The following TUB variants were observed in gnomAD, a reference collection of about 807,000 sequenced individuals.
The protein encoded by TUB is tubby protein homolog.
A neutral mutation model predicts 59.7 loss-of-function variants in TUB; 33 were observed. The observed-to-expected ratio is 0.55, with a 90% CI of 0.42 to 0.74. TUB has a LOEUF of 0.74. Among genes scored for constraint, TUB ranks in the 30% least tolerant of loss-of-function variants. The probability of loss-of-function intolerance (pLI) is 0.00; values close to 1 mark genes in which losing one functional copy is unlikely to be tolerated. For synonymous variants in TUB, 293 were observed against 256.4 expected, an observed-to-expected ratio of 1.14 and a Z score of -1.36; for missense variants, 659 against 672.0, an observed-to-expected ratio of 0.98 and a Z score of 0.21.
chr11:8,100,703 C>T (rs1589997539), intron 10 of TUB, 102 bp downstream of exon 10: 1 of 1,519,952 alleles, frequency 6.6e-7, no homozygotes, highest in Non-Finnish European at 9.1e-7. Context: ...GGAGGGGTAC[C>T]ATGTGAGAAA....
intron 2 of TUB, among the ~76,000 whole-genome samples, chr11:8,050,770 A>T (rs1049780643): frequency 6.6e-6 from 1 of 152,328 alleles, no homozygotes; most frequent in East Asian, 1.9e-4. Context: ...TCTAACTAGA[A>T]GATATTAAAG....
At chr11:8,021,146 TTGG>T (rs1554919112) in intron 1 of TUB, among the ~76,000 whole-genome samples, 2 of 152,194 alleles carry the variant, frequency 1.3e-5, no homozygotes, top group Non-Finnish European at 1.5e-5. Context: ...CCACAGTTTC[TTGG>T]GGAAGTGTTG....
chr11:8,103,710 T>A lies in TUB; in HGVS notation c.*2091T>A, dbSNP rs1418803205. 1 of 152,634 alleles carries A rather than the reference T, an allele frequency of 6.6e-6. No homozygotes were observed. Among genetic ancestry groups the A allele is most frequent in the Non-Finnish European group, 1.5e-5 (1 of 68,046 alleles). The allele number at this position is 152,634 out of a possible 1,614,324, so 9.5% of individuals were successfully genotyped here. A position where few individuals can be genotyped will look rare whatever the true frequency, so the allele number is the denominator to read the frequency against. ...TTCCAGTTTAGCCCTTCCCTGCCTT[T>A]AAGGAGAAGAGATCTTCATGGTGAC... On this transcript the variant is annotated 3_prime_UTR_variant, in exon 12 of 12. Coordinates refer to ENST00000299506, the MANE Select transcript of TUB (RefSeq NM_177972.3).
chr11:8,087,968 G>C (rs1392004238), intron 1 of TUB, among the ~76,000 whole-genome samples: 2 of 152,222 alleles, frequency 1.3e-5, no homozygotes, highest in Non-Finnish European at 2.9e-5. Flanking sequence ...AATGCCCTCA[G>C]GGAGCCCCAA....
rs565812932 is a variant in TUB, at chr11:8,065,311, T to C, written c.204-24299T>C. Among the ~76,000 whole-genome samples, 22 of 152,204 alleles carry C rather than the reference T, an allele frequency of 1.4e-4. No individual in the cohort carries two copies. In the South Asian group the frequency reaches 2.5e-3, roughly 17 times the overall value. ...GCCTGCTCCCCATGGGGCCAGGGCA[T>C]TGGTGGTGCTGGAGCGGGTGGTAAT... On this transcript the variant is annotated intron_variant, in intron 2 of 12. Coordinates refer to the TUB transcript ENST00000305253.
intron 3 of TUB, among the ~76,000 whole-genome samples, chr11:8,092,231 C>A (rs531323910): frequency 6.6e-6 from 1 of 152,022 alleles, no homozygotes; most frequent in South Asian, 2.1e-4. Context: ...TGCTTGAGGG[C>A]GGAAGTTCAG....
chr11:8,101,323 C>A (rs1944291775), intron 11 of TUB, among the ~76,000 whole-genome samples, 163 bp from the exon 12 acceptor site: 1 of 152,338 alleles, frequency 6.6e-6, no homozygotes, highest in Non-Finnish European at 1.5e-5. Flanking sequence ...TTTCCTGCCA[C>A]TTCTCCCAAT....
In TUB at chr11:8,104,794, AG is replaced by A. The variant is rs1355207942; in HGVS notation, c.*3176del. 2 of 152,214 alleles carry A rather than the reference AG, an allele frequency of 1.3e-5. No individual in the cohort carries two copies. The highest frequency in any genetic ancestry group is 2.9e-5 in the Non-Finnish European group (2 of 68,042). The allele number at this position is 152,214 out of a possible 1,614,324, so 9.4% of individuals were successfully genotyped here. ...AAAATCAAGACACTAGTTCAGAGGA[AG>A]CACATAATGTCCAGATCTATGGCGA... is the stretch of plus-strand genomic sequence containing the variant. On this transcript the variant is annotated 3_prime_UTR_variant, in exon 12 of 12. Coordinates refer to ENST00000299506, the MANE Select transcript of TUB (RefSeq NM_177972.3).
intron 10 of TUB, 56 bp from the exon 11 acceptor site, chr11:8,100,769 TG>T (rs1228594934): frequency 6.2e-7 from 1 of 1,602,606 alleles, no homozygotes; most frequent in East Asian, 2.2e-5. Flanking sequence ...GATCCCTTTC[TG>T]GGGTGGTCAT....
At chr11:8,086,936 A>G (rs1333675129) in intron 1 of TUB, among the ~76,000 whole-genome samples, 2 of 152,206 alleles carry the variant, frequency 1.3e-5, no homozygotes, top group Non-Finnish European at 2.9e-5. Flanking sequence ...TATCTTACCT[A>G]GTAATCAGGG....
chr11:8,047,934 G>A (rs1942862245), intron 2 of TUB, among the ~76,000 whole-genome samples: 1 of 152,138 alleles, frequency 6.6e-6, no homozygotes, highest in Non-Finnish European at 1.5e-5. Context: ...TGCTAGAAAG[G>A]GTCCCATTTG....
intron 2 of TUB, among the ~76,000 whole-genome samples, chr11:8,055,229 G>A (rs1943000718): frequency 6.6e-6 from 1 of 152,206 alleles, no homozygotes; most frequent in African/African-American, 2.4e-5. Flanking sequence ...GTGTGCGTGT[G>A]TGAGAGAGAG....
chr11:8,087,658 C>T (rs1024154232), intron 1 of TUB, among the ~76,000 whole-genome samples: 2 of 152,218 alleles, frequency 1.3e-5, no homozygotes, highest in African/African-American at 2.4e-5. Context: ...ATGCACTGTG[C>T]GTGTGGCTGA....
At chr11:8,038,578 G>A (rs540947744), upstream of TUB, 13 of 1,119,958 alleles carry the variant, frequency 1.2e-5, no homozygotes, top group Admixed American at 9.4e-5. Context: ...CTTGGCCTCC[G>A]TGTTGCCATG....
intron 2 of TUB, chr11:8,068,565 G>C (rs1943293830): frequency 6.6e-6 from 1 of 152,538 alleles, no homozygotes; most frequent in African/African-American, 2.4e-5. Context: ...AGCCAGGCAG[G>C]CCGTCCACCC....
At chr11:8,025,659 G>C (rs552008377) in intron 1 of TUB, among the ~76,000 whole-genome samples, 6 of 152,154 alleles carry the variant, frequency 3.9e-5, no homozygotes, top group Non-Finnish European at 8.8e-5. Context: ...AATTAGTAGA[G>C]CATTTCCTTT....
At chr11:8,097,875 G>A in intron 8 of TUB, 49 bp downstream of exon 8, 5 of 1,448,796 alleles carry the variant, frequency 3.5e-6, no homozygotes, top group Non-Finnish European at 4.8e-6. Flanking sequence ...GGAGGGGCAG[G>A]GGCAAGCTGT....
rs559327437 is a variant in TUB at position 8,102,909 on chromosome 11, C to T, written c.*1290C>T. On this transcript the variant is annotated 3_prime_UTR_variant, in exon 12 of 12. Transcript: ENST00000299506. Reference sequence around the variant, plus strand: ...CCCCCAAGAAACTAGTATCTCTGGCCTCCTGGGGGCCCATTCTGCATGCCC... The same window carrying T: ...CCCCCAAGAAACTAGTATCTCTGGCTTCCTGGGGGCCCATTCTGCATGCCC... 2 of 7,454 alleles carry T rather than the reference C, an allele frequency of 2.7e-4. No homozygotes were observed. Among genetic ancestry groups the T allele is most frequent in the African/African-American group, 2.9e-4 (2 of 6,982 alleles). The allele number at this position is 7,454 out of a possible 1,614,324, so 0.5% of individuals were successfully genotyped here. A position where few individuals can be genotyped will look rare whatever the true frequency, so the allele number is the denominator to read the frequency against.
rs542903583 is a variant in TUB at position 8,082,065 on chromosome 11, A to C, written c.38+517A>C. Among the ~76,000 whole-genome samples, 28 of 152,252 alleles carry C rather than the reference A, an allele frequency of 1.8e-4. No homozygotes were observed. The South Asian group carries it at 5.2e-3, about 28-fold the overall frequency. Reference sequence around the variant, plus strand: ...TGCACCCGTATATTCTACACACAAGAATTCTTGGGCTCACAAAGACACATG... The same window carrying C: ...TGCACCCGTATATTCTACACACAAGCATTCTTGGGCTCACAAAGACACATG... On this transcript the variant is annotated intron_variant, in intron 1 of 11. Transcript: ENST00000299506.
Sources: allele counts gnomAD v4.1 joint callset (sites outside exome capture counted in the v4.1 genomes callset), GRCh38; gene constraint gnomAD v4.1.1; transcripts MANE v1.5; gene names NCBI Gene and HGNC (gene_info 2026-07-23, HGNC 2026-07-21).